The following KDM1B variants were observed in gnomAD, a reference collection of about 807,000 sequenced individuals.
KDM1B encodes the protein lysine demethylase 1B, also known as lysine-specific histone demethylase 2.
In KDM1B, 63 loss-of-function variants were observed where a neutral mutation model predicts 107.4. The ratio of observed to expected loss-of-function variants is 0.59; its 90% CI spans 0.48 to 0.72. The LOEUF (loss-of-function observed/expected upper bound fraction) is 0.72. Among genes scored for constraint, KDM1B ranks in the 30% least tolerant of loss-of-function variants. The pLI is 0.00. For synonymous variants in KDM1B, 363 were observed against 363.9 expected (o/e 1.00, Z 0.03); for missense variants, 749 against 1,020.8 (o/e 0.73, Z 3.63).
chr6:18,198,422 T>A (rs1582169597), intron 12 of KDM1B, among the ~76,000 whole-genome samples: 5 of 151,586 alleles, frequency 3.3e-5, no homozygotes, highest in African/African-American at 9.7e-5. Context: ...AGAGACGGGA[T>A]TTCACCATGT....
chr6:18,194,613 A>T (rs1164087498), intron 10 of KDM1B, among the ~76,000 whole-genome samples: 5 of 152,136 alleles, frequency 3.3e-5, no homozygotes, highest in Non-Finnish European at 5.9e-5. Context: ...ATTTTTTTTT[A>T]AATTATTGTG....
chr6:18,174,116 G>T (rs1005862302), intron 7 of KDM1B, among the ~76,000 whole-genome samples: 4 of 152,118 alleles, frequency 2.6e-5, no homozygotes, highest in African/African-American at 9.7e-5. Context: ...AAATCAATTG[G>T]CCGTATGTGT....
intron 3 of KDM1B, among the ~76,000 whole-genome samples, chr6:18,160,828 C>CTT (rs3077192): frequency 4.1e-5 from 5 of 123,258 alleles, no homozygotes; most frequent in South Asian, 2.5e-4. Context: ...ACTCATGTCA[C>CTT]TTTTTTTTTT....
At chr6:18,183,708 G>A (rs1410774785) in intron 7 of KDM1B, among the ~76,000 whole-genome samples, 2 of 151,494 alleles carry the variant, frequency 1.3e-5, no homozygotes, top group Admixed American at 6.6e-5. Context: ...TGCTCTTTTC[G>A]CTCAACATTA....
Position 18,222,725 on chromosome 6 carries a change from C to G in KDM1B, c.*733C>G, listed in dbSNP as rs1789856890. 1 of 152,872 alleles carries G rather than the reference C, an allele frequency of 6.5e-6. No individual in the cohort carries two copies. The highest frequency in any genetic ancestry group is 1.5e-5 in the Non-Finnish European group (1 of 68,244). 9.5% of individuals were successfully genotyped at this position (152,872 alleles called of 1,614,324 possible). Reference sequence around the variant, plus strand: ...GATAGTGTGGGCTTCACACTATAGACACAGAATATAGCTTTTTCTTAAAGC... The same window carrying G: ...GATAGTGTGGGCTTCACACTATAGAGACAGAATATAGCTTTTTCTTAAAGC... On this transcript the variant is annotated 3_prime_UTR_variant, in exon 22 of 22. Transcript: ENST00000650836.
intron 21 of KDM1B, among the ~76,000 whole-genome samples, chr6:18,220,422 G>A (rs977124314): frequency 9.2e-5 from 14 of 152,098 alleles, no homozygotes; most frequent in African/African-American, 2.7e-4. Flanking sequence ...GGTGGCGGGC[G>A]CCTGTAATCC....
intron 21 of KDM1B, among the ~76,000 whole-genome samples, chr6:18,220,185 T>C (rs1237765398): frequency 6.6e-6 from 1 of 152,268 alleles, no homozygotes; most frequent in Non-Finnish European, 1.5e-5. Flanking sequence ...CCTGTGTTCC[T>C]ACTTCGTTTA....
At chr6:18,220,677 C>T (rs758388882) in intron 21 of KDM1B, among the ~76,000 whole-genome samples, 1 of 152,160 alleles carries the variant, frequency 6.6e-6, no homozygotes, top group Middle Eastern at 3.2e-3. Flanking sequence ...TTCGGAGAGA[C>T]GGCTGTTTCA....
In KDM1B at chr6:18,223,503, G is replaced by C. The variant is rs1298976722; in HGVS notation, c.*1511G>C. ...AAAGTATCATGTATTAAAATGTTTA[G>C]ACAGCATGTGTTTTAAAGTGATAAA... On this transcript the variant is annotated 3_prime_UTR_variant, in exon 22 of 22. Transcript: ENST00000650836. The C allele has an allele frequency of 6.6e-6, 1 of 152,090 alleles. No individual in the cohort carries two copies. Among genetic ancestry groups the C allele is most frequent in the Non-Finnish European group, 1.5e-5 (1 of 68,010 alleles). 9.4% of individuals were successfully genotyped at this position (152,090 alleles called of 1,614,324 possible). A position where few individuals can be genotyped will look rare whatever the true frequency, so the allele number is the denominator to read the frequency against.
chr6:18,182,288 C>T (rs1582128507), intron 7 of KDM1B, among the ~76,000 whole-genome samples: 1 of 151,948 alleles, frequency 6.6e-6, no homozygotes, highest in South Asian at 2.1e-4. Context: ...CAGTATGAAT[C>T]GATTACTCTC....
intron 2 of KDM1B, among the ~76,000 whole-genome samples, chr6:18,157,808 CTTTTTTTTTTT>C (rs67631382): frequency 7.4e-4 from 86 of 115,624 alleles, no homozygotes; most frequent in Admixed American, 1.8e-3. Flanking sequence ...GTAGATAGTC[CTTTTTTTTTTT>C]TTTTTTTTTT....
chr6:18,176,982 G>C lies in KDM1B; in HGVS notation c.534+5503G>C, dbSNP rs151059491. ...TGGTTTTGGTATTAGGGTGATGCTG[G>C]CTTCATAAAATGAATTAGGGAGGGT... On this transcript the variant is annotated intron_variant, in intron 7 of 21. Transcript: ENST00000650836. Among the ~76,000 whole-genome samples, 842 of 152,264 alleles carry C rather than the reference G, an allele frequency of 5.5e-3. 7 individuals are homozygous for C. Among genetic ancestry groups the C allele is most frequent in the African/African-American group, 0.019 (794 of 41,554 alleles).
rs1306858218 is a variant in KDM1B at position 18,205,828 on chromosome 6, C to T, written c.1659+164C>T. ...CCAACATGGTGAAACCCTGTCTCTACTAAAATACAAAAAATTAGCCAGGCC... is the reference window on the plus strand; with the variant it reads ...CCAACATGGTGAAACCCTGTCTCTATTAAAATACAAAAAATTAGCCAGGCC... On this transcript the variant is annotated intron_variant, in intron 15 of 21. Coordinates refer to ENST00000650836, the MANE Select transcript of KDM1B (RefSeq NM_001364614.2). The surrounding 1 kb of genome is among the most constrained non-coding windows in gnomAD (Gnocchi z 5.7). 6.6e-6 allele frequency among the ~76,000 whole-genome samples: 1 copy of T among 152,084 alleles called. No homozygotes were observed. Among genetic ancestry groups the T allele is most frequent in the Non-Finnish European group, 1.5e-5 (1 of 68,024 alleles).
At chr6:18,173,974 G>A (rs1248978734) in intron 7 of KDM1B, among the ~76,000 whole-genome samples, 1 of 152,012 alleles carries the variant, frequency 6.6e-6, no homozygotes, top group Admixed American at 6.6e-5. Flanking sequence ...TTAGTAAAGA[G>A]AGGGTTTCAC....
chr6:18,214,953 A>T lies in KDM1B; in HGVS notation c.2110-54A>T. ...CAAAAAACAAAAAAAAGAGGCCCTT[A>T]TCTGTGGGAGCTGAGCACTCACAGA... is the stretch of plus-strand genomic sequence containing the variant. On this transcript the variant is annotated intron_variant, in intron 19 of 21. Transcript: ENST00000650836. The surrounding 1 kb of genome is among the most constrained non-coding windows in gnomAD (Gnocchi z 4.4). 6.4e-7 allele frequency: 1 copy of T among 1,571,740 alleles called. No homozygotes were observed.
At chr6:18,173,893 C>T (rs1254688316) in intron 7 of KDM1B, among the ~76,000 whole-genome samples, 2 of 152,128 alleles carry the variant, frequency 1.3e-5, no homozygotes, top group Admixed American at 6.6e-5. Flanking sequence ...TCAAGCGATT[C>T]TCCTGCCTCA....
intron 7 of KDM1B, among the ~76,000 whole-genome samples, chr6:18,184,716 GGTTGTT>G (rs1786721006): frequency 8.5e-6 from 1 of 117,922 alleles, no homozygotes; most frequent in Non-Finnish European, 1.9e-5. Flanking sequence ...ATGACCTTTG[GGTTGTT>G]TCTAGCTTTT....
rs745397970 is a variant in KDM1B, at chr6:18,155,871, C to T, written c.-57-12C>T. On this transcript the variant is annotated splice_polypyrimidine_tract_variant and intron_variant, in intron 1 of 21. Transcript: ENST00000650836. This position sits in a 1 kb window ranked among gnomAD's most constrained non-coding sequence, Gnocchi z 6.2. Reference sequence around the variant, plus strand: ...TCGGCTAACCCCCCTACAATGTTTCCTTTCTGTACAGCGGTGCCTTTTCCC... The same window carrying T: ...TCGGCTAACCCCCCTACAATGTTTCTTTTCTGTACAGCGGTGCCTTTTCCC... The T allele has an allele frequency of 1.3e-5, 2 of 152,266 alleles. No homozygotes were observed. Among genetic ancestry groups the T allele is most frequent in the Admixed American group, 6.5e-5 (1 of 15,282 alleles). The allele number at this position is 152,266 out of a possible 1,614,324, so 9.4% of individuals were successfully genotyped here. A position where few individuals can be genotyped will look rare whatever the true frequency, so the allele number is the denominator to read the frequency against.
At position 18,214,719 on chromosome 6, in the gene KDM1B, G is replaced by T. The variant is rs750294225; in HGVS notation, c.2110-288G>T. 6.6e-6 allele frequency among the ~76,000 whole-genome samples: 1 copy of T among 152,158 alleles called. No individual in the cohort carries two copies. Among genetic ancestry groups the T allele is most frequent in the Non-Finnish European group, 1.5e-5 (1 of 68,032 alleles). The stretch of plus-strand genomic sequence containing the variant: ...GAGGTCAGGAGTTTGAGACCAGTCT[G>T]GCCAACATGGTGAAACCCTGTCTCT... On this transcript the variant is annotated intron_variant, in intron 19 of 21. Transcript: ENST00000650836. The surrounding 1 kb of genome is among the most constrained non-coding windows in gnomAD (Gnocchi z 4.4).
Sources: gnomAD v4.1 joint callset for allele counts (sites outside exome capture counted in the v4.1 genomes callset) on GRCh38, gnomAD v4.1.1 for gene constraint, Gnocchi (gnomAD v3.1) non-coding constraint, MANE v1.5 for transcripts, NCBI Gene and HGNC (gene_info 2026-07-23, HGNC 2026-07-21) for gene names.